Variants in POC5 observed in about 807,000 individuals in gnomAD.
POC5 encodes the protein centrosomal protein POC5.
Under a neutral mutation model 62.9 loss-of-function variants are expected in POC5, and 48 were observed. The ratio of observed to expected loss-of-function variants is 0.76; its 90% CI spans 0.61 to 0.97. The LOEUF (loss-of-function observed/expected upper bound fraction) is 0.97, where lower values mean the gene tolerates loss of function less well. Ranked by LOEUF, POC5 falls within the 50% of genes least tolerant of loss-of-function variation. POC5 has a pLI of 0.00. For missense variants in POC5, 696 were observed against 679.5 expected, an observed-to-expected ratio of 1.02 and a Z score of -0.27; for synonymous variants, 236 against 228.2, an observed-to-expected ratio of 1.03 and a Z score of -0.31.
At chr5:75,705,487 G>A in intron 4 of POC5, 1 of 336,554 alleles carries the variant, frequency 3.0e-6, no homozygotes, top group East Asian at 5.0e-5. Flanking sequence ...TTTAAGAAAG[G>A]ATACTACACA....
chr5:75,677,958 G>GAA lies in POC5; in HGVS notation c.1408-10_1408-9dup. 2.7e-6 allele frequency: 4 copies of GAA among 1,458,632 alleles called. No homozygotes were observed. The highest frequency in any genetic ancestry group is 2.5e-5 in the East Asian group (1 of 39,252). 90.4% of individuals were successfully genotyped at this position (1,458,632 alleles called of 1,614,324 possible). A position where few individuals can be genotyped will look rare whatever the true frequency, so the allele number is the denominator to read the frequency against. On this transcript the variant is annotated splice_polypyrimidine_tract_variant and intron_variant, in intron 10 of 11. Coordinates refer to ENST00000428202, the MANE Select transcript of POC5 (RefSeq NM_001099271.2). ...TACAACTCTTGGCACATACTAAGAAGAAAAAAAAATAAAAGAAGTAACAAG... is the reference window on the plus strand; with the variant it reads ...TACAACTCTTGGCACATACTAAGAAGAAAAAAAAAAATAAAAGAAGTAACAAG...
chr5:75,702,478 T>C, intron 5 of POC5, 127 bp downstream of exon 5: 1 of 909,648 alleles, frequency 1.1e-6, no homozygotes, highest in South Asian at 1.8e-5. Flanking sequence ...CTTAAGACAC[T>C]AAACTGATCT....
Position 75,677,831 on chromosome 5 carries a change from C to T in POC5, c.1527G>A (p.Met509Ile), listed in dbSNP as rs1482053619. ...CTGAGCTCATGGGAGGAGAAACTCC[C>T]ATTATAGCTAAACTGCTGCTAATTC... ...KNRISSSLAIMGVSPPMSSVV... is the reference protein window; with the variant it reads ...KNRISSSLAIIGVSPPMSSVV... Residue 509 changes from methionine (M) to isoleucine (I), a missense_variant, in exon 11 of 12, where the codon ATG becomes ATA. Coordinates refer to ENST00000428202, the MANE Select transcript of POC5 (RefSeq NM_001099271.2). 3.7e-6 allele frequency: 6 copies of T among 1,612,526 alleles called. No individual in the cohort carries two copies. In the South Asian group the frequency reaches 4.4e-5, roughly 12 times the overall value.
At chr5:75,687,710 TC>T (rs1337044522) in intron 9 of POC5, among the ~76,000 whole-genome samples, 1 of 152,220 alleles carries the variant, frequency 6.6e-6, no homozygotes, top group Non-Finnish European at 1.5e-5. Flanking sequence ...CAATTCAAAA[TC>T]TTTTTAAGTA....
At chr5:75,701,728 A>AAAATAAAT (rs139286076) in intron 5 of POC5, among the ~76,000 whole-genome samples, 22 of 150,516 alleles carry the variant, frequency 1.5e-4, no homozygotes, top group Non-Finnish European at 2.8e-4. Context: ...AATAATAATA[A>AAAATAAAT]AAATAAATAA....
chr5:75,706,879 G>T (rs1326409930), intron 3 of POC5, among the ~76,000 whole-genome samples: 1 of 152,124 alleles, frequency 6.6e-6, no homozygotes. Flanking sequence ...CTGTGGTCCT[G>T]TTTGTTGTTC....
At chr5:75,690,781 CCA>C (rs1170629587) in intron 7 of POC5, among the ~76,000 whole-genome samples, 3 of 152,182 alleles carry the variant, frequency 2.0e-5, no homozygotes, top group Non-Finnish European at 4.4e-5. Context: ...TTGCCTGACT[CCA>C]GAGACTGAGC....
In POC5 at chr5:75,677,759, C is replaced by G. The variant is rs1348488184; in HGVS notation, c.1584+15G>C. The G allele has an allele frequency of 1.3e-6, 2 of 1,548,798 alleles. No homozygotes were observed. Among genetic ancestry groups the G allele is most frequent in the African/African-American group, 1.4e-5 (1 of 71,972 alleles). On this transcript the variant is annotated intron_variant, in intron 11 of 11. Coordinates refer to ENST00000428202, the MANE Select transcript of POC5 (RefSeq NM_001099271.2). ...AAAAGACTTTTTGACAAAAGGTCAT[C>G]AAATGTGGACTCACCACTGTGACTG...
chr5:75,692,372 G>T, intron 7 of POC5, 24 bp downstream of exon 7: 2 of 1,502,896 alleles, frequency 1.3e-6, no homozygotes, highest in Non-Finnish European at 9.0e-7. Flanking sequence ...ACATCCATCA[G>T]CTGTCTTCTG....
intron 11 of POC5, among the ~76,000 whole-genome samples, chr5:75,676,013 G>T (rs1275618874): frequency 6.6e-6 from 1 of 152,172 alleles, no homozygotes; most frequent in African/African-American, 2.4e-5. Flanking sequence ...TGGCTATCTG[G>T]TTCATACACA....
chr5:75,684,060 T>C (rs1775978625), intron 10 of POC5, among the ~76,000 whole-genome samples: 1 of 152,100 alleles, frequency 6.6e-6, no homozygotes, highest in Non-Finnish European at 1.5e-5. Flanking sequence ...CACACAAACC[T>C]TCCATCCCCA....
chr5:75,681,498 G>A (rs912533900), intron 10 of POC5, among the ~76,000 whole-genome samples: 5 of 151,774 alleles, frequency 3.3e-5, no homozygotes, highest in African/African-American at 7.3e-5. Flanking sequence ...TAACTGTCCA[G>A]CCTTTTTTGA....
chr5:75,706,388 T>C (rs1025547906), intron 3 of POC5, among the ~76,000 whole-genome samples: 2 of 152,210 alleles, frequency 1.3e-5, no homozygotes, highest in Non-Finnish European at 2.9e-5. Flanking sequence ...AAAGTCTACT[T>C]GTGAATCAAG....
chr5:75,691,638 TAA>T (rs1281017904), intron 7 of POC5, among the ~76,000 whole-genome samples: 1 of 152,162 alleles, frequency 6.6e-6, no homozygotes, highest in Non-Finnish European at 1.5e-5. Context: ...GCTTTTTCCT[TAA>T]ATACTAATCT....
intron 2 of POC5, 48 bp from the exon 3 acceptor site, chr5:75,707,923 A>G: frequency 6.9e-7 from 1 of 1,456,466 alleles, no homozygotes; most frequent in Non-Finnish European, 9.3e-7. Context: ...TTACAATGTT[A>G]TAATATATTC....
At chr5:75,702,243 T>C (rs1324044704) in intron 5 of POC5, among the ~76,000 whole-genome samples, 1 of 152,110 alleles carries the variant, frequency 6.6e-6, no homozygotes, top group African/African-American at 2.4e-5. Flanking sequence ...GACAGGTTGA[T>C]AGGTGCAGCA....
intron 3 of POC5, among the ~76,000 whole-genome samples, chr5:75,706,807 T>C (rs539941537): frequency 5.2e-4 from 79 of 152,296 alleles, no homozygotes; most frequent in African/African-American, 1.8e-3. Flanking sequence ...TGCCTCAGCC[T>C]CTGAAAGTAC....
intron 3 of POC5, among the ~76,000 whole-genome samples, chr5:75,706,108 T>C (rs1231985002): frequency 6.6e-6 from 1 of 152,236 alleles, no homozygotes; most frequent in Non-Finnish European, 1.5e-5. Context: ...TCTGCTCTCT[T>C]ATGACACTGG....
intron 10 of POC5, among the ~76,000 whole-genome samples, chr5:75,679,950 T>C (rs1270635681): frequency 6.6e-6 from 1 of 152,210 alleles, no homozygotes; most frequent in Non-Finnish European, 1.5e-5. Context: ...TTTCTCACTA[T>C]AGTCCTTGTA....
Sources: gnomAD v4.1 joint callset for allele counts (sites outside exome capture counted in the v4.1 genomes callset) on GRCh38, gnomAD v4.1.1 for gene constraint, MANE v1.5 for transcripts, NCBI Gene and HGNC (gene_info 2026-07-23, HGNC 2026-07-21) for gene names.